The following TEX11 variants were observed in gnomAD, a reference collection of about 807,000 sequenced individuals.
TEX11 encodes the protein testis expressed 11.
Under a neutral mutation model 84.4 loss-of-function variants are expected in TEX11, and 7 were observed. The observed-to-expected ratio is 0.08, with a 90% CI of 0.05 to 0.16. The LOEUF (loss-of-function observed/expected upper bound fraction) is 0.16, where lower values mean the gene tolerates loss of function less well. Ranked by LOEUF, TEX11 falls within the 10% of genes least tolerant of loss-of-function variation. TEX11 has a pLI of 1.00. For missense variants in TEX11, 551 were observed against 660.5 expected (o/e 0.83, Z 1.82); for synonymous variants, 264 against 222.8 (o/e 1.18, Z -1.64).
intron 13 of TEX11, among the ~76,000 whole-genome samples, chrX:70,686,696 TA>T (rs11330282): frequency 0.48 from 44,157 of 92,590 alleles, 8,224 homozygotes; most frequent in Non-Finnish European, 0.59. Flanking sequence ...GAACTTAAAG[TA>T]AAAAAAAAAA....
At chrX:70,636,125 C>A (rs2089569644) in intron 17 of TEX11, among the ~76,000 whole-genome samples, 2 of 110,889 alleles carry the variant, frequency 1.8e-5, no homozygotes, top group South Asian at 7.8e-4. Context: ...GACCTAGCCT[C>A]CAGGCTAGCA....
intron 17 of TEX11, among the ~76,000 whole-genome samples, chrX:70,635,858 C>T (rs1443536691): frequency 4.5e-5 from 5 of 111,662 alleles, no homozygotes; most frequent in Admixed American, 1.9e-4. Flanking sequence ...AGGCTACAGG[C>T]CTGCCCCAAT....
At chrX:70,824,840 G>A (rs2091336535) in intron 8 of TEX11, among the ~76,000 whole-genome samples, 1 of 111,924 alleles carries the variant, frequency 8.9e-6, no homozygotes, top group South Asian at 3.7e-4. Context: ...ATCAATGAGT[G>A]TTGCATACGC....
chrX:70,809,729 C>A (rs2091240826), intron 8 of TEX11, among the ~76,000 whole-genome samples: 1 of 110,584 alleles, frequency 9.0e-6, no homozygotes, highest in Admixed American at 9.6e-5. Flanking sequence ...GATAGAGTCA[C>A]TCCGTCGCCC....
chrX:70,712,483 T>C (rs1366034899), intron 13 of TEX11, among the ~76,000 whole-genome samples: 4 of 111,606 alleles, frequency 3.6e-5, no homozygotes, highest in Admixed American at 1.9e-4. Context: ...TGGTTTGTAG[T>C]TCTCCTTGAA....
intron 7 of TEX11, among the ~76,000 whole-genome samples, chrX:70,843,868 T>C (rs1179430172): frequency 3.1e-4 from 35 of 111,748 alleles, no homozygotes; most frequent in Non-Finnish European, 4.3e-4. Context: ...AAAATGCTCA[T>C]CATCACTGGC....
rs781725533 is a variant in TEX11, at chrX:70,813,481, C to T, written c.607-6691G>A. Among the ~76,000 whole-genome samples the T allele has an allele frequency of 2.7e-5, 3 of 111,729 alleles. No individual in the cohort carries two copies. The South Asian group carries it at 1.1e-3, about 42-fold the overall frequency. ...ATAAGAGCTATTTATGACAAACCCA[C>T]AGCCAATATCATACTGAATGGGCAA... On this transcript the variant is annotated intron_variant, in intron 8 of 29. Transcript: ENST00000374333.
In TEX11 at chrX:70,534,173, T is replaced by C. The variant is rs771948278; in HGVS notation, c.2521-4174A>G. ...AAGGAAGGAAGAAAGCAAGAGTAGA[T>C]GTGAGGCCAGTTAAAAGGTTCCTGA... On this transcript the variant is annotated intron_variant, in intron 28 of 29. Transcript: ENST00000374333. 1.8e-4 allele frequency among the ~76,000 whole-genome samples: 19 copies of C among 107,059 alleles called. 1 individual carries two copies. The highest frequency in any genetic ancestry group is 1.4e-3 in the Admixed American group (14 of 9,873). 93.0% of individuals were successfully genotyped at this position (107,059 alleles called of 115,157 possible).
At chrX:70,530,990 C>T (rs1373794178) in intron 28 of TEX11, among the ~76,000 whole-genome samples, 1 of 110,632 alleles carries the variant, frequency 9.0e-6, no homozygotes, top group Non-Finnish European at 1.9e-5. Context: ...CTGCTTGAAA[C>T]ACTACTCCTC....
At chrX:70,652,672 C>T (rs2089823470) in intron 16 of TEX11, among the ~76,000 whole-genome samples, 1 of 111,560 alleles carries the variant, frequency 9.0e-6, no homozygotes, top group African/African-American at 3.3e-5. Flanking sequence ...TAAAATGTGA[C>T]CTTGGGGATC....
intron 7 of TEX11, among the ~76,000 whole-genome samples, chrX:70,843,010 C>G (rs750878608): frequency 5.0e-4 from 56 of 111,996 alleles, no homozygotes; most frequent in African/African-American, 1.8e-3. Context: ...ACATTCCATG[C>G]TCATGGGTAG....
At chrX:70,778,623 T>TTTTG (rs200458009) in intron 9 of TEX11, among the ~76,000 whole-genome samples, 6 of 109,853 alleles carry the variant, frequency 5.5e-5, no homozygotes, top group East Asian at 3.0e-4. Context: ...CCAGGCTATG[T>TTTTG]TTTGTTTGTT....
intron 13 of TEX11, among the ~76,000 whole-genome samples, chrX:70,714,658 T>C (rs1275858121): frequency 8.1e-4 from 90 of 111,559 alleles, no homozygotes; most frequent in Non-Finnish European, 1.6e-3. Context: ...GATCTTCCTC[T>C]ATCCCTTTAT....
At chrX:70,774,286 A>C (rs1246992217) in intron 9 of TEX11, among the ~76,000 whole-genome samples, 3 of 110,024 alleles carry the variant, frequency 2.7e-5, no homozygotes, top group East Asian at 5.7e-4. Context: ...AAAAAAAAAA[A>C]AAACTGGAAG....
At chrX:70,535,618 T>G (rs1394999353) in intron 28 of TEX11, among the ~76,000 whole-genome samples, 1 of 110,530 alleles carries the variant, frequency 9.0e-6, no homozygotes, top group African/African-American at 3.3e-5. Context: ...TGTAGTGGCA[T>G]GTGCCTGTAG....
At chrX:70,751,822 A>C (rs1198138235) in intron 9 of TEX11, among the ~76,000 whole-genome samples, 3 of 112,216 alleles carry the variant, frequency 2.7e-5, no homozygotes, top group Non-Finnish European at 5.6e-5. Flanking sequence ...ACACTAGAGA[A>C]TAATTTGAAT....
chrX:70,578,764 CTTTTT>C (rs869110075), intron 25 of TEX11, among the ~76,000 whole-genome samples: 2 of 50,170 alleles, frequency 4.0e-5, no homozygotes, highest in African/African-American at 8.6e-5. Context: ...AGTTGAACTT[CTTTTT>C]TTTTTTTTTT....
At chrX:70,776,971 A>T (rs12156825) in intron 9 of TEX11, among the ~76,000 whole-genome samples, 1 of 109,702 alleles carries the variant, frequency 9.1e-6, no homozygotes, top group African/African-American at 3.3e-5. Flanking sequence ...CACATTCTAC[A>T]TACGTAACAA....
chrX:70,729,152 C>A (rs1248755191), intron 11 of TEX11, among the ~76,000 whole-genome samples: 1 of 102,805 alleles, frequency 9.7e-6, no homozygotes, highest in East Asian at 3.2e-4. Flanking sequence ...CACACCAAAA[C>A]CCCATCTGTT....
Sources: gnomAD v4.1 joint callset for allele counts (sites outside exome capture counted in the v4.1 genomes callset) on GRCh38, gnomAD v4.1.1 for gene constraint, MANE v1.5 for transcripts, NCBI Gene and HGNC (gene_info 2026-07-23, HGNC 2026-07-21) for gene names.